The following ECSIT variants were observed in gnomAD, a reference collection of about 807,000 sequenced individuals.
ECSIT encodes the protein ECSIT signaling integrator.
ECSIT carries 29 observed loss-of-function variants against 36.8 expected under a neutral mutation model. The ratio of observed to expected loss-of-function variants is 0.79; its 90% CI spans 0.59 to 1.08. The LOEUF (loss-of-function observed/expected upper bound fraction) is 1.08. Ranked by LOEUF, ECSIT falls within the 50% of genes least tolerant of loss-of-function variation. ECSIT has a pLI of 0.00. For missense variants in ECSIT, 542 were observed against 581.0 expected, an observed-to-expected ratio of 0.93 and a Z score of 0.69; for synonymous variants, 231 against 234.8, an observed-to-expected ratio of 0.98 and a Z score of 0.15.
intron 7 of ECSIT, 144 bp downstream of exon 7, chr19:11,507,313 A>G (rs1257676074): frequency 8.9e-6 from 6 of 671,816 alleles, no homozygotes; most frequent in East Asian, 2.8e-5. Context: ...CACAGGGTCT[A>G]TCATGTAGGC....
At chr19:11,509,700 G>A (rs1370815023) in intron 4 of ECSIT, among the ~76,000 whole-genome samples, 2 of 151,386 alleles carry the variant, frequency 1.3e-5, no homozygotes, top group Non-Finnish European at 2.9e-5. Context: ...CCTGGGAGGA[G>A]GAGGTTGTAG....
Position 11,507,816 on chromosome 19 carries a change from G to A in ECSIT, c.831C>T (p.Ala277=), listed in dbSNP as rs1971784922. ...IQSPDQQAAL[A]RHNPARPVFV... Reference sequence around the variant, plus strand: ...AGACAGGCCGGGCTGGATTGTGGCGGGCCAGGGCGGCCTGCTGATCGGGAC... The same window carrying A: ...AGACAGGCCGGGCTGGATTGTGGCGAGCCAGGGCGGCCTGCTGATCGGGAC... Residue 277 remains alanine, a synonymous_variant, in exon 6 of 8, where the codon GCC becomes GCT. Coordinates refer to ENST00000270517, the MANE Select transcript of ECSIT (RefSeq NM_016581.5). The A allele has an allele frequency of 1.2e-6, 2 of 1,613,492 alleles. No homozygotes were observed. The highest frequency in any genetic ancestry group is 1.3e-5 in the African/African-American group (1 of 75,056).
intron 2 of ECSIT, among the ~76,000 whole-genome samples, chr19:11,514,892 G>A (rs1179839330): frequency 8.0e-5 from 12 of 149,678 alleles, no homozygotes; most frequent in African/African-American, 2.5e-4. Flanking sequence ...ATGCTGCAGC[G>A]CAGTGGCGTG....
intron 4 of ECSIT, among the ~76,000 whole-genome samples, chr19:11,512,854 G>A (rs1971898938): frequency 6.6e-6 from 1 of 152,086 alleles, no homozygotes; most frequent in Non-Finnish European, 1.5e-5. Context: ...GAGGTGGAAA[G>A]ATCGCTTGAG....
intron 2 of ECSIT, among the ~76,000 whole-genome samples, chr19:11,518,080 C>T (rs532464909): frequency 1.3e-5 from 2 of 151,472 alleles, no homozygotes; most frequent in South Asian, 4.2e-4. Context: ...ACTGAGGGCC[C>T]AGAGGTTCAA....
rs140816082 is a variant in ECSIT at position 11,506,220 on chromosome 19, G to T, written c.1260C>A (p.Asp420Glu). 28 of 1,607,976 alleles carry T rather than the reference G, an allele frequency of 1.7e-5. No homozygotes were observed. The African/African-American group carries it at 3.1e-4, about 18-fold the overall frequency. The part of the protein sequence containing the change: ...PPLPEDHQEE[D>E]DNLQRQQQGQ... Reference sequence around the variant, plus strand: ...CCTGCTGCTGTCGCTGCAGGTTGTCGTCTTCTTCCTGGTGGTCCTCGGGCA... The same window carrying T: ...CCTGCTGCTGTCGCTGCAGGTTGTCTTCTTCTTCCTGGTGGTCCTCGGGCA... Residue 420 changes from aspartate (D) to glutamate (E), a missense_variant, in exon 8 of 8, where the codon GAC (aspartate) becomes GAA (glutamate). Asp to Glu is a conservative substitution (Grantham distance 45). Transcript: ENST00000270517.
At chr19:11,520,974 T>C (rs987695734) in intron 1 of ECSIT, among the ~76,000 whole-genome samples, 8 of 151,970 alleles carry the variant, frequency 5.3e-5, no homozygotes, top group Admixed American at 2.0e-4. Flanking sequence ...CCCAGCTAAT[T>C]TTTGTATTTT....
intron 1 of ECSIT, among the ~76,000 whole-genome samples, chr19:11,524,404 C>T (rs1374719917): frequency 6.6e-6 from 1 of 152,078 alleles, no homozygotes. Context: ...CGCCTGTAGT[C>T]CCAGTTACTC....
At position 11,506,014 on chromosome 19, in the gene ECSIT, G is replaced by A; in HGVS notation, c.*170C>T. The A allele has an allele frequency of 1.7e-6, 2 of 1,183,354 alleles. No individual in the cohort carries two copies. The highest frequency in any genetic ancestry group is 2.3e-5 in the Admixed American group (1 of 43,286). 73.3% of individuals were successfully genotyped at this position (1,183,354 alleles called of 1,614,324 possible). On this transcript the variant is annotated 3_prime_UTR_variant, in exon 8 of 8. Coordinates refer to ENST00000270517, the MANE Select transcript of ECSIT (RefSeq NM_016581.5). ...TGCAGATTCTGGAGGGGTCTCGCCT[G>A]CCCATCGCTGGCAGCCCGAGATCCT...
At position 11,509,880 on chromosome 19, in the gene ECSIT, T is replaced by A. The variant is rs968326281; in HGVS notation, c.739-1832A>T. On this transcript the variant is annotated intron_variant, in intron 4 of 7. Transcript: ENST00000270517. ...TGCCCTGCTACTAAAGAAACTTTTT[T>A]TTTTTTGAGATGGAGTTTCGCTCTT... 2.0e-5 allele frequency among the ~76,000 whole-genome samples: 3 copies of A among 152,184 alleles called. No homozygotes were observed. In the South Asian group the frequency reaches 6.2e-4, roughly 32 times the overall value.
chr19:11,526,125 T>A (rs1035269342), intron 1 of ECSIT, among the ~76,000 whole-genome samples: 7 of 152,074 alleles, frequency 4.6e-5, no homozygotes, highest in African/African-American at 1.7e-4. Flanking sequence ...CCACCATGCC[T>A]GGCTAATTTT....
rs539780690 is a variant in ECSIT at position 11,527,140 on chromosome 19, G to A, written c.-24+1922C>T. Among the ~76,000 whole-genome samples the A allele has an allele frequency of 1.7e-3, 257 of 151,188 alleles. 1 individual carries two copies. The highest frequency in any genetic ancestry group is 6.0e-3 in the African/African-American group (248 of 41,216). ...AGTTCAAGACCAGCCTGGCCGAGAT[G>A]GTGAAAGCCCGTCTGTACTAAAAAT... On this transcript the variant is annotated intron_variant, in intron 1 of 7. Transcript: ENST00000270517.
In ECSIT at chr19:11,513,087, G is replaced by T; in HGVS notation, c.707C>A (p.Pro236His). 1.2e-6 allele frequency: 2 copies of T among 1,614,214 alleles called. No individual in the cohort carries two copies. The highest frequency in any genetic ancestry group is 1.7e-6 in the Non-Finnish European group (2 of 1,180,038). The change falls in exon 4 of 8, where the codon CCT becomes CAT. Residue 236 changes from proline (P) to histidine (H), a missense_variant. Transcript: ENST00000270517. The stretch of plus-strand genomic sequence containing the variant: ...GATGGTGACCCTGGCACTAAGGTCA[G>T]GCTCCATGTGCCGCAGGCCAAACAT... Reference protein sequence around the residue: ...LAMFGLRHMEPDLSARVTIYQ... With the variant: ...LAMFGLRHMEHDLSARVTIYQ...
In ECSIT at chr19:11,506,443, G is replaced by A. The variant is rs1971740488; in HGVS notation, c.1052-15C>T. The A allele has an allele frequency of 6.2e-7, 1 of 1,607,040 alleles. No individual in the cohort carries two copies. Among genetic ancestry groups the A allele is most frequent in the Non-Finnish European group, 8.5e-7 (1 of 1,175,578 alleles). On this transcript the variant is annotated splice_polypyrimidine_tract_variant and intron_variant, in intron 7 of 7. Transcript: ENST00000270517. ...GCCTTCCTCCACTGTTGGAAGACAT[G>A]CACCCTTAAGGTTTGCACAGTGGGG...
chr19:11,507,701 C>T lies in ECSIT; in HGVS notation c.945+1G>A. The T allele has an allele frequency of 1.2e-6, 2 of 1,614,134 alleles. No individual in the cohort carries two copies. Among genetic ancestry groups the T allele is most frequent in the Non-Finnish European group, 1.7e-6 (2 of 1,180,042 alleles). On this transcript the variant is annotated splice_donor_variant, in intron 6 of 7. Coordinates refer to ENST00000270517, the MANE Select transcript of ECSIT (RefSeq NM_016581.5). LOFTEE classifies it high-confidence loss of function. ...ACACATGCTTTGCTTTAAGCCCTCA[C>T]CCTCTCCTCCGGGGGCAGCAAGTCA...
chr19:11,510,169 G>A (rs1214420807), intron 4 of ECSIT, among the ~76,000 whole-genome samples: 8 of 151,932 alleles, frequency 5.3e-5, no homozygotes, highest in Non-Finnish European at 1.2e-4. Context: ...CACCATGCCT[G>A]GCTAAAGAAC....
chr19:11,523,665 T>C, intron 1 of ECSIT: 1 of 761,108 alleles, frequency 1.3e-6, no homozygotes, highest in Non-Finnish European at 2.3e-6. Flanking sequence ...TCAACTTAAT[T>C]AAGGTTGATG....
Position 11,506,338 on chromosome 19 carries a change from T to G in ECSIT, c.1142A>C (p.Asn381Thr). Reference protein sequence around the residue: ...AKWIQGLQETNPTLAQIPVVF... With the variant: ...AKWIQGLQETTPTLAQIPVVF... ...CACGGGGATCTGGGCCAGGGTTGGGTTGGTCTCCTGCAGGCCCTGGATCCA... is the reference window on the plus strand; with the variant it reads ...CACGGGGATCTGGGCCAGGGTTGGGGTGGTCTCCTGCAGGCCCTGGATCCA... The change falls in exon 8 of 8, where the codon AAC (asparagine) becomes ACC (threonine). Residue 381 changes from asparagine to threonine, a missense_variant. Asn to Thr is a moderately conservative substitution (Grantham distance 65). Coordinates refer to ENST00000270517, the MANE Select transcript of ECSIT (RefSeq NM_016581.5). 4 of 1,613,474 alleles carry G rather than the reference T, an allele frequency of 2.5e-6. No homozygotes were observed. The highest frequency in any genetic ancestry group is 3.4e-6 in the Non-Finnish European group (4 of 1,179,844).
At chr19:11,506,500 T>G in intron 7 of ECSIT, 72 bp from the exon 8 acceptor site, 1 of 1,507,916 alleles carries the variant, frequency 6.6e-7, no homozygotes, top group Non-Finnish European at 8.8e-7. Flanking sequence ...CTACACCTTT[T>G]TGAGGTATTT....
Sources: allele counts gnomAD v4.1 joint callset (sites outside exome capture counted in the v4.1 genomes callset), GRCh38; gene constraint gnomAD v4.1.1; transcripts MANE v1.5; gene names NCBI Gene and HGNC (gene_info 2026-07-23, HGNC 2026-07-21).